ATOH8: variants seen among roughly 807,000 people sequenced by gnomAD.
ATOH8 encodes transcription factor ATOH8.
In ATOH8, 9 loss-of-function variants were observed where a neutral mutation model predicts 21.2. The observed-to-expected ratio is 0.42, with a 90% CI of 0.26 to 0.74. ATOH8 has a LOEUF of 0.74. Among genes scored for constraint, ATOH8 ranks in the 30% least tolerant of loss-of-function variants. The pLI is 0.24. For synonymous variants in ATOH8, 253 were observed against 224.0 expected, an observed-to-expected ratio of 1.13 and a Z score of -1.16; for missense variants, 524 against 470.9, an observed-to-expected ratio of 1.11 and a Z score of -1.04.
Position 85,754,598 on chromosome 2 carries a change from C to T in ATOH8, c.409C>T (p.Pro137Ser), listed in dbSNP as rs1035214808. The T allele has an allele frequency of 6.1e-6, 9 of 1,478,806 alleles. No homozygotes were observed. The highest frequency in any genetic ancestry group is 4.4e-5 in the African/African-American group (3 of 68,108). 91.6% of individuals were successfully genotyped at this position (1,478,806 alleles called of 1,614,324 possible). Residue 137 changes from proline (P) to serine (S), a missense_variant, in exon 1 of 3, where the codon CCT (proline) becomes TCT (serine). Transcript: ENST00000306279. ...PPPPAPQSQA[P>S]GGPEAQPFRE... ...GCCTCCTGCGCCCCAGAGCCAGGCA[C>T]CTGGGGGCCCAGAGGCACAGCCTTT...
intron 2 of ATOH8, among the ~76,000 whole-genome samples, chr2:85,782,003 C>G (rs1680510827): frequency 6.6e-6 from 1 of 152,198 alleles, no homozygotes; most frequent in Non-Finnish European, 1.5e-5. Flanking sequence ...CAGTAAGAAT[C>G]AAGAGCAGCA....
intron 2 of ATOH8, among the ~76,000 whole-genome samples, chr2:85,768,935 G>A (rs1048773810): frequency 2.6e-5 from 4 of 152,300 alleles, no homozygotes; most frequent in African/African-American, 9.6e-5. Context: ...AGGACTCTGG[G>A]GAGTTCAGTT....
At position 85,754,299 on chromosome 2, in the gene ATOH8, C is replaced by G; in HGVS notation, c.110C>G (p.Ala37Gly). 1 of 1,609,880 alleles carries G rather than the reference C, an allele frequency of 6.2e-7. No individual in the cohort carries two copies. The highest frequency in any genetic ancestry group is 8.5e-7 in the Non-Finnish European group (1 of 1,178,820). The part of the protein sequence containing the change: ...KRKGKEPARR[A>G]NGYKTFRLDL... The stretch of plus-strand genomic sequence containing the variant: ...AAAGGCAAGGAGCCGGCGCGGCGCG[C>G]GAACGGCTATAAAACTTTCCGACTG... Residue 37 changes from alanine to glycine, a missense_variant, in exon 1 of 3, where the codon GCG (alanine) becomes GGG (glycine). By Grantham distance (60) the Ala-to-Gly change is moderately conservative (BLOSUM62 0). Coordinates refer to ENST00000306279, the MANE Select transcript of ATOH8 (RefSeq NM_032827.7).
Position 85,784,904 on chromosome 2 carries a change from A to G in ATOH8, c.961-1981A>G, listed in dbSNP as rs535850635. Among the ~76,000 whole-genome samples, 5 of 152,340 alleles carry G rather than the reference A, an allele frequency of 3.3e-5. No homozygotes were observed. In the East Asian group the frequency reaches 9.6e-4, roughly 29 times the overall value. ...GTTGTCATAAGACTTCCTTGGATGG[A>G]TGATGTATGTGCTGAGATTCTTGGA... On this transcript the variant is annotated intron_variant, in intron 2 of 2. Coordinates refer to ENST00000306279, the MANE Select transcript of ATOH8 (RefSeq NM_032827.7).
rs1017440824 is a variant in ATOH8, at chr2:85,766,446, G to A, written c.960+2264G>A. Among the ~76,000 whole-genome samples the A allele has an allele frequency of 6.6e-6, 1 of 152,048 alleles. No individual in the cohort carries two copies. Among genetic ancestry groups the A allele is most frequent in the Non-Finnish European group, 1.5e-5 (1 of 67,988 alleles). ...GGACTCTGGGAGGTGGGGTCTGTAT[G>A]TCTTTGCCCTAATGACCTTCATGGT... On this transcript the variant is annotated intron_variant, in intron 2 of 2. Coordinates refer to ENST00000306279, the MANE Select transcript of ATOH8 (RefSeq NM_032827.7). This position sits in a 1 kb window ranked among gnomAD's most constrained non-coding sequence, Gnocchi z 4.0.
At chr2:85,771,931 A>G (rs1262698658) in intron 2 of ATOH8, among the ~76,000 whole-genome samples, 1 of 152,236 alleles carries the variant, frequency 6.6e-6, no homozygotes, top group Non-Finnish European at 1.5e-5. Flanking sequence ...GGCAGAGCTC[A>G]GTTTCCAACC....
rs575519992 is a variant in ATOH8, at chr2:85,779,823, G to A, written c.961-7062G>A. Among the ~76,000 whole-genome samples, 6 of 152,308 alleles carry A rather than the reference G, an allele frequency of 3.9e-5. No homozygotes were observed. The South Asian group carries it at 1.2e-3, about 32-fold the overall frequency. Reference sequence around the variant, plus strand: ...CAACGCATGCAAACAAGTGTGGCACGGTGCCTGGCAAGGAGCCGCCCTCCG... The same window carrying A: ...CAACGCATGCAAACAAGTGTGGCACAGTGCCTGGCAAGGAGCCGCCCTCCG... On this transcript the variant is annotated intron_variant, in intron 2 of 2. Transcript: ENST00000306279.
chr2:85,777,463 G>C (rs192381457), intron 2 of ATOH8, among the ~76,000 whole-genome samples: 2 of 152,198 alleles, frequency 1.3e-5, no homozygotes, highest in Non-Finnish European at 2.9e-5. Context: ...CAGAAGGACC[G>C]AGAGGCTGGG....
chr2:85,763,785 TG>T (rs1679928917), intron 1 of ATOH8, among the ~76,000 whole-genome samples: 1 of 151,106 alleles, frequency 6.6e-6, no homozygotes, highest in Admixed American at 6.6e-5. Context: ...CCCTGCAAAA[TG>T]GGAATGTGGG....
rs1045763393 is a variant in ATOH8, at chr2:85,789,490, T to A, written c.*2600T>A. On this transcript the variant is annotated 3_prime_UTR_variant, in exon 3 of 3. Transcript: ENST00000306279. ...GAAGGATTTCCCTGGAAAGTAGCCA[T>A]GGGACTTGCGTCTTAAATGGTGAGT... Among the ~76,000 whole-genome samples the A allele has an allele frequency of 1.3e-5, 2 of 152,224 alleles. No individual in the cohort carries two copies. The highest frequency in any genetic ancestry group is 2.9e-5 in the Non-Finnish European group (2 of 68,038).
intron 2 of ATOH8, among the ~76,000 whole-genome samples, chr2:85,770,988 A>G (rs1223580221): frequency 6.6e-6 from 1 of 152,068 alleles, no homozygotes; most frequent in African/African-American, 2.4e-5. Context: ...ACACTGGGGA[A>G]TGCAGAGAAC....
At chr2:85,774,424 C>G (rs1444116914) in intron 2 of ATOH8, 44 of 985,398 alleles carry the variant, frequency 4.5e-5, no homozygotes, top group Non-Finnish European at 4.8e-5. Context: ...CCCTTTCTAC[C>G]TGCCCCAGCA....
Position 85,782,857 on chromosome 2 carries a change from A to C in ATOH8, c.961-4028A>C, listed in dbSNP as rs1343378891. Among the ~76,000 whole-genome samples, 31 of 152,070 alleles carry C rather than the reference A, an allele frequency of 2.0e-4. 2 individuals are homozygous for C. Among genetic ancestry groups the C allele is most frequent in the Admixed American group, 2.0e-3 (31 of 15,278 alleles). ...ATTACAAGCATGCGCCACCACACCC[A>C]GCTAATTTTTGTATTTTTAGTAGAG... On this transcript the variant is annotated intron_variant, in intron 2 of 2. Coordinates refer to ENST00000306279, the MANE Select transcript of ATOH8 (RefSeq NM_032827.7).
chr2:85,756,486 G>A (rs1558607022), intron 1 of ATOH8, among the ~76,000 whole-genome samples: 2 of 152,192 alleles, frequency 1.3e-5, no homozygotes, highest in Non-Finnish European at 2.9e-5. Flanking sequence ...CTGTTGAGTA[G>A]CAGGTCAGGG....
At chr2:85,760,209 T>C (rs999844363) in intron 1 of ATOH8, among the ~76,000 whole-genome samples, 1 of 152,106 alleles carries the variant, frequency 6.6e-6, no homozygotes, top group Non-Finnish European at 1.5e-5. Context: ...TTAAAAATCC[T>C]TGTGGGATGA....
chr2:85,764,231 C>A, intron 2 of ATOH8, 49 bp downstream of exon 2: 1 of 1,602,354 alleles, frequency 6.2e-7, no homozygotes, highest in Non-Finnish European at 8.5e-7. Context: ...ATAGGGGAGG[C>A]AGGGACAGGA....
intron 2 of ATOH8, among the ~76,000 whole-genome samples, chr2:85,782,679 T>TTTG (rs141808495): frequency 1.6e-4 from 24 of 151,872 alleles, no homozygotes; most frequent in Non-Finnish European, 2.2e-4. Flanking sequence ...CCAGTATTTA[T>TTTG]TTGTTGTTGT....
intron 2 of ATOH8, among the ~76,000 whole-genome samples, chr2:85,781,522 C>T (rs963530173): frequency 2.0e-5 from 3 of 152,150 alleles, no homozygotes; most frequent in Non-Finnish European, 2.9e-5. Context: ...GCCAAGATCA[C>T]GCCACTGTAC....
chr2:85,754,818 C>G lies in ATOH8; in HGVS notation c.629C>G (p.Pro210Arg). The change falls in exon 1 of 3, where the codon CCT (proline) becomes CGT (arginine). Residue 210 changes from proline to arginine, a missense_variant. Coordinates refer to ENST00000306279, the MANE Select transcript of ATOH8 (RefSeq NM_032827.7). Reference sequence around the variant, plus strand: ...AACCACCAGGATTCCTCCGCGTCGCCTAGGAAACGACCGGGCGAAGCGACT... The same window carrying G: ...AACCACCAGGATTCCTCCGCGTCGCGTAGGAAACGACCGGGCGAAGCGACT... ...YNNHQDSSASPRKRPGEATAA... is the reference protein window; with the variant it reads ...YNNHQDSSASRRKRPGEATAA... 1 of 1,612,864 alleles carries G rather than the reference C, an allele frequency of 6.2e-7. No individual in the cohort carries two copies. The highest frequency in any genetic ancestry group is 8.5e-7 in the Non-Finnish European group (1 of 1,179,924).
Sources: gnomAD v4.1 joint callset for allele counts (sites outside exome capture counted in the v4.1 genomes callset) on GRCh38, gnomAD v4.1.1 for gene constraint, Gnocchi (gnomAD v3.1) non-coding constraint, MANE v1.5 for transcripts, NCBI Gene and HGNC (gene_info 2026-07-23, HGNC 2026-07-21) for gene names.